The following EXOC7 variants were observed in gnomAD, a reference collection of about 807,000 sequenced individuals.
EXOC7 encodes the protein exocyst complex component 7.
Under a neutral mutation model 87.6 loss-of-function variants are expected in EXOC7, and 51 were observed. That is an observed-to-expected ratio of 0.58 (90% confidence interval 0.46 to 0.73). EXOC7 has a LOEUF of 0.73. EXOC7 is among the 30% of genes least tolerant of loss of function. The probability of loss-of-function intolerance (pLI) is 0.00; values close to 1 mark genes in which losing one functional copy is unlikely to be tolerated. For missense variants in EXOC7, 744 were observed against 888.4 expected (o/e 0.84, Z 2.07); for synonymous variants, 327 against 357.1 (o/e 0.92, Z 0.95).
chr17:76,087,358 C>A (rs945160165), intron 12 of EXOC7: 14 of 477,258 alleles, frequency 2.9e-5, no homozygotes, highest in African/African-American at 2.7e-4. Flanking sequence ...GGGAGGGGGG[C>A]AGGGGCAGAA....
chr17:76,094,697 G>C (rs1469402397), intron 5 of EXOC7, 116 bp from the exon 6 acceptor site: 1 of 1,033,854 alleles, frequency 9.7e-7, no homozygotes, highest in Admixed American at 2.6e-5. Context: ...TCCCTGCTCT[G>C]GTCACAAGCC....
chr17:76,091,331 C>A, intron 6 of EXOC7, 96 bp from the exon 7 acceptor site: 1 of 949,032 alleles, frequency 1.1e-6, no homozygotes, highest in South Asian at 1.4e-5. Context: ...AGGCCCCGCA[C>A]CCAGCTCCCC....
rs574815315 is a variant in EXOC7, at chr17:76,101,211, T to C, written c.417+60A>G. On this transcript the variant is annotated intron_variant, in intron 4 of 18. Coordinates refer to ENST00000589210, the MANE Select transcript of EXOC7 (RefSeq NM_001013839.4). ...CCTCAAGCTGGCTCCATGTCCCTCA[T>C]GAGACCAGGGCAGAGACTGATATCC... 2.5e-6 allele frequency: 4 copies of C among 1,613,670 alleles called. No homozygotes were observed. The South Asian group carries it at 4.4e-5, about 18-fold the overall frequency.
rs1010561947 is a variant in EXOC7 at position 76,090,874 on chromosome 17, GT to G, written c.901+268del. ...CCCCAAGACAAATAACTTTTTCTGA[GT>G]TCACACAGGAGACAAGGACAGAGAC... On this transcript the variant is annotated intron_variant, in intron 7 of 18. Coordinates refer to ENST00000589210, the MANE Select transcript of EXOC7 (RefSeq NM_001013839.4). 4 of 548,128 alleles carry G rather than the reference GT, an allele frequency of 7.3e-6. No individual in the cohort carries two copies. In the African/African-American group the frequency reaches 7.6e-5, roughly 10 times the overall value. 34.0% of individuals were successfully genotyped at this position (548,128 alleles called of 1,614,324 possible). A position where few individuals can be genotyped will look rare whatever the true frequency, so the allele number is the denominator to read the frequency against.
intron 7 of EXOC7, chr17:76,090,246 T>G (rs8078392): frequency 2.0e-6 from 3 of 1,474,034 alleles, no homozygotes; most frequent in Non-Finnish European, 2.7e-6. Context: ...TGGGCCCAGC[T>G]GGGCCAGGCA....
rs750943745 is a variant in EXOC7 at position 76,081,607 on chromosome 17, G to A, written c.*2041C>T. On this transcript the variant is annotated 3_prime_UTR_variant, in exon 19 of 19. Coordinates refer to ENST00000589210, the MANE Select transcript of EXOC7 (RefSeq NM_001013839.4). Reference sequence around the variant, plus strand: ...CTCTCTTGGTGCCTGCAGAGGCACTGCTGTTGGCTGACGTGTGCGGGGGGT... The same window carrying A: ...CTCTCTTGGTGCCTGCAGAGGCACTACTGTTGGCTGACGTGTGCGGGGGGT... The A allele has an allele frequency of 6.2e-7, 1 of 1,614,044 alleles. No individual in the cohort carries two copies. The highest frequency in any genetic ancestry group is 1.1e-5 in the South Asian group (1 of 91,082).
intron 5 of EXOC7, 90 bp from the exon 6 acceptor site, chr17:76,094,671 C>A (rs567446439): frequency 7.4e-7 from 1 of 1,353,076 alleles, no homozygotes; most frequent in Non-Finnish European, 1.0e-6. Flanking sequence ...ACCTGTCAAC[C>A]CTTCTTAGCA....
chr17:76,090,120 C>G (rs1364582683), intron 7 of EXOC7, among the ~76,000 whole-genome samples: 1 of 152,236 alleles, frequency 6.6e-6, no homozygotes, highest in Non-Finnish European at 1.5e-5. Flanking sequence ...CTCCCCTTGG[C>G]CCAGGCCTGA....
At position 76,103,747 on chromosome 17, in the gene EXOC7, G is replaced by T. The variant is rs1567997059; in HGVS notation, c.-55C>A. 6.5e-7 allele frequency: 1 copy of T among 1,539,658 alleles called. No individual in the cohort carries two copies. The highest frequency in any genetic ancestry group is 2.0e-5 in the Admixed American group (1 of 50,398). On this transcript the variant is annotated 5_prime_UTR_variant, in exon 1 of 19. Coordinates refer to ENST00000589210, the MANE Select transcript of EXOC7 (RefSeq NM_001013839.4). ...AGTATCTTTCCTCCGCGGGCCCACCGGGCCCCCGTCCCCGTCACACCCACT... is the reference window on the plus strand; with the variant it reads ...AGTATCTTTCCTCCGCGGGCCCACCTGGCCCCCGTCCCCGTCACACCCACT...
chr17:76,089,783 C>G, intron 7 of EXOC7: 1 of 189,558 alleles, frequency 5.3e-6, no homozygotes, highest in South Asian at 1.1e-4. Context: ...AGTGACCAGC[C>G]CAGTCAGGGC....
At chr17:76,091,910 T>C (rs1209602014) in intron 6 of EXOC7, among the ~76,000 whole-genome samples, 2 of 152,096 alleles carry the variant, frequency 1.3e-5, no homozygotes, top group Non-Finnish European at 2.9e-5. Context: ...CTGGAGGGTG[T>C]GCACGGAAGG....
intron 4 of EXOC7, among the ~76,000 whole-genome samples, chr17:76,100,052 G>T (rs1474240295): frequency 6.6e-6 from 1 of 152,086 alleles, no homozygotes; most frequent in East Asian, 1.9e-4. Context: ...CAGTAGCTAT[G>T]GTTGTACCAC....
chr17:76,084,480 G>T, intron 16 of EXOC7, 37 bp downstream of exon 16: 1 of 1,607,628 alleles, frequency 6.2e-7, no homozygotes, highest in Non-Finnish European at 8.5e-7. Flanking sequence ...TATCCCGTCT[G>T]CCAGACACCC....
At chr17:76,095,386 A>C (rs191327697) in intron 5 of EXOC7, among the ~76,000 whole-genome samples, 99 of 152,022 alleles carry the variant, frequency 6.5e-4, no homozygotes, top group Non-Finnish European at 1.1e-3. Flanking sequence ...CTCCCGCCTC[A>C]GCCTCCCAAG....
intron 16 of EXOC7, 103 bp downstream of exon 16, chr17:76,084,414 G>C (rs1252601040): frequency 6.4e-7 from 1 of 1,559,410 alleles, no homozygotes; most frequent in African/African-American, 1.4e-5. Context: ...TGCATCCTTT[G>C]CTCTCTGATC....
Position 76,103,670 on chromosome 17 carries a change from G to GATGCCT in EXOC7, c.17_22dup (p.Ala7_Ser8insTer). On this transcript the variant is annotated stop_gained, in exon 1 of 19. Transcript: ENST00000589210. LOFTEE classifies it high-confidence loss of function. Reference sequence around the variant, plus strand: ...GTCCTCAATCTCCCGCCGTCGAGCGGATGCCTCCTGTGGGGGAATCATCGC... The same window carrying GATGCCT: ...GTCCTCAATCTCCCGCCGTCGAGCGGATGCCTATGCCTCCTGTGGGGGAATCATCGC... 1 of 1,612,970 alleles carries GATGCCT rather than the reference G, an allele frequency of 6.2e-7. No homozygotes were observed. Among genetic ancestry groups the GATGCCT allele is most frequent in the South Asian group, 1.1e-5 (1 of 90,810 alleles).
chr17:76,093,451 T>G (rs1362786547), intron 6 of EXOC7: 2 of 152,822 alleles, frequency 1.3e-5, no homozygotes, highest in Non-Finnish European at 2.9e-5. Flanking sequence ...CCTCACTCTC[T>G]GAGGGGCATG....
In EXOC7 at chr17:76,081,844, T is replaced by G; in HGVS notation, c.*1804A>C. On this transcript the variant is annotated 3_prime_UTR_variant, in exon 19 of 19. Coordinates refer to ENST00000589210, the MANE Select transcript of EXOC7 (RefSeq NM_001013839.4). ...CGCTGGGCACCAGAGACACAGGGAC[T>G]GGCCCCTGAGCATCTCCCTGTGCCC... 6.2e-7 allele frequency: 1 copy of G among 1,609,330 alleles called. No homozygotes were observed.
At chr17:76,100,472 C>CAA (rs531863619) in intron 4 of EXOC7, among the ~76,000 whole-genome samples, 2 of 131,510 alleles carry the variant, frequency 1.5e-5, no homozygotes, top group African/African-American at 2.8e-5. Context: ...ACTAAAACTA[C>CAA]AAAAAAAAAA....
Sources: allele counts gnomAD v4.1 joint callset (sites outside exome capture counted in the v4.1 genomes callset), GRCh38; gene constraint gnomAD v4.1.1; transcripts MANE v1.5; gene names NCBI Gene and HGNC (gene_info 2026-07-23, HGNC 2026-07-21).